Variants in CSMD2 observed in about 807,000 individuals in gnomAD.
CSMD2 encodes CUB and sushi domain-containing protein 2.
Under a neutral mutation model 398.5 loss-of-function variants are expected in CSMD2, and 130 were observed. The observed-to-expected ratio is 0.33, with a 90% confidence interval of 0.28 to 0.38. The LOEUF is 0.38. Among genes scored for constraint, CSMD2 ranks in the 10% least tolerant of loss-of-function variants. The pLI is 1.00. For missense variants in CSMD2, 3,829 were observed against 4,764.9 expected, an observed-to-expected ratio of 0.80 and a Z score of 5.78; for synonymous variants, 1,828 against 1,908.5, an observed-to-expected ratio of 0.96 and a Z score of 1.10.
chr1:33,874,192 G>A (rs1234538870), intron 5 of CSMD2, among the ~76,000 whole-genome samples: 1 of 152,178 alleles, frequency 6.6e-6, no homozygotes, highest in Non-Finnish European at 1.5e-5. Flanking sequence ...GCGTCACATG[G>A]AGTAGAATGA....
chr1:33,967,280 G>T (rs1016308700), intron 3 of CSMD2, among the ~76,000 whole-genome samples: 6 of 151,588 alleles, frequency 4.0e-5, no homozygotes, highest in East Asian at 1.9e-4. Flanking sequence ...AGCGGGGGGT[G>T]GGGGGTAGTC....
intron 4 of CSMD2, among the ~76,000 whole-genome samples, chr1:33,922,439 T>C (rs770847498): frequency 1.3e-5 from 2 of 152,126 alleles, no homozygotes; most frequent in African/African-American, 2.4e-5. Flanking sequence ...TTGGTCCACA[T>C]AGTCTCATTT....
rs555972366 is a variant in CSMD2 at position 33,809,339 on chromosome 1, G to T, written c.1446+1404C>A. 2.0e-5 allele frequency among the ~76,000 whole-genome samples: 3 copies of T among 152,012 alleles called. No homozygotes were observed. The East Asian group carries it at 5.8e-4, about 29-fold the overall frequency. On this transcript the variant is annotated intron_variant, in intron 10 of 70. Coordinates refer to ENST00000373381, the MANE Select transcript of CSMD2 (RefSeq NM_001281956.2). ...AATGATCAAGTTATGTTAATCTTAA[G>T]AATGCAAGGTTGGTTTGACATGAGA...
chr1:33,756,946 G>A (rs1441189427), intron 13 of CSMD2, among the ~76,000 whole-genome samples: 1 of 152,110 alleles, frequency 6.6e-6, no homozygotes, highest in African/African-American at 2.4e-5. Flanking sequence ...AGAAAATGTG[G>A]CACATATACA....
intron 29 of CSMD2, among the ~76,000 whole-genome samples, chr1:33,638,035 A>G (rs1340421063): frequency 6.6e-6 from 1 of 152,180 alleles, no homozygotes; most frequent in African/African-American, 2.4e-5. Context: ...GCACAGGAGC[A>G]TGTGAGAAGA....
intron 6 of CSMD2, among the ~76,000 whole-genome samples, chr1:33,831,760 G>A (rs1659594843): frequency 6.6e-6 from 1 of 151,904 alleles, no homozygotes. Flanking sequence ...CTGTATTCAG[G>A]AAACCCATCT....
intron 22 of CSMD2, among the ~76,000 whole-genome samples, chr1:33,707,068 C>T (rs778719836): frequency 1.3e-5 from 2 of 152,146 alleles, no homozygotes; most frequent in Non-Finnish European, 2.9e-5. Context: ...GAAGCCAGAA[C>T]CCTGACGGTG....
chr1:33,697,304 T>C (rs1262395918), intron 24 of CSMD2, among the ~76,000 whole-genome samples: 1 of 152,110 alleles, frequency 6.6e-6, no homozygotes, highest in Non-Finnish European at 1.5e-5. Context: ...TTCTCTGTAT[T>C]CCTAGTGCCT....
chr1:33,979,580 C>CTT lies in CSMD2; in HGVS notation c.518-43628_518-43627dup, dbSNP rs557780917. On this transcript the variant is annotated intron_variant, in intron 3 of 70. Coordinates refer to ENST00000373381, the MANE Select transcript of CSMD2 (RefSeq NM_001281956.2). The stretch of plus-strand genomic sequence containing the variant: ...AGAAACAGACTGGTAACAAGAGACC[C>CTT]TTTCTGGCTTTGTGCAGAGTTCTTA... Among the ~76,000 whole-genome samples, 8 of 152,290 alleles carry CTT rather than the reference C, an allele frequency of 5.3e-5. No individual in the cohort carries two copies. The South Asian group carries it at 1.7e-3, about 32-fold the overall frequency.
chr1:33,924,661 A>C (rs74858692), intron 4 of CSMD2, among the ~76,000 whole-genome samples: 1,722 of 152,252 alleles, frequency 0.011, 37 homozygotes, highest in African/African-American at 0.04. Context: ...CCACCAACAA[A>C]GTATAAGAGC....
chr1:33,695,983 T>C (rs1645408514), intron 24 of CSMD2, among the ~76,000 whole-genome samples: 1 of 152,238 alleles, frequency 6.6e-6, no homozygotes. Context: ...ATTAAAATCA[T>C]GTCTATTTCC....
intron 3 of CSMD2, among the ~76,000 whole-genome samples, chr1:33,997,132 C>T (rs1646751446): frequency 6.6e-6 from 1 of 152,184 alleles, no homozygotes; most frequent in Admixed American, 6.5e-5. Context: ...ACCTAGGCAC[C>T]AAAGGGGCTA....
intron 6 of CSMD2, among the ~76,000 whole-genome samples, chr1:33,830,669 T>C (rs1208337683): frequency 1.3e-5 from 2 of 152,182 alleles, no homozygotes; most frequent in African/African-American, 4.8e-5. Context: ...GAGAATGACT[T>C]TGACGAATTG....
At chr1:34,013,447 C>A (rs548805898) in intron 3 of CSMD2, among the ~76,000 whole-genome samples, 1 of 152,182 alleles carries the variant, frequency 6.6e-6, no homozygotes, top group African/African-American at 2.4e-5. Context: ...GACCCCAAAT[C>A]CCTCCACTCA....
intron 2 of CSMD2, among the ~76,000 whole-genome samples, chr1:34,062,747 A>G (rs1268326360): frequency 6.6e-6 from 1 of 152,150 alleles, no homozygotes; most frequent in South Asian, 2.1e-4. Context: ...CTGGTGTTTG[A>G]GACTCTGCTC....
chr1:33,646,702 C>T lies in CSMD2; in HGVS notation c.4720G>A (p.Ala1574Thr), dbSNP rs752544898. The change falls in exon 29 of 71, where the codon GCC becomes ACC. Residue 1574 changes from alanine (A) to threonine (T), a missense_variant. Ala to Thr is a moderately conservative substitution (Grantham distance 58). Around this residue, in one of 5 missense-constraint regions of CSMD2, gnomAD observed 2,001 missense variants for 2,567.1 expected, o/e 0.78. Transcript: ENST00000373381. ...IESSSNSLFL[A>T]FRSDASVSNA... Reference sequence around the variant, plus strand: ...CTCACAGATGCATCGCTGCGGAAGGCGAGGAAGAGGCTGTTGCTGCTGCTT... The same window carrying T: ...CTCACAGATGCATCGCTGCGGAAGGTGAGGAAGAGGCTGTTGCTGCTGCTT... 5.6e-6 allele frequency: 9 copies of T among 1,614,126 alleles called. No individual in the cohort carries two copies. Among genetic ancestry groups the T allele is most frequent in the South Asian group, 3.3e-5 (3 of 91,086 alleles).
chr1:34,129,672 T>C (rs1663128792), intron 1 of CSMD2, among the ~76,000 whole-genome samples: 2 of 151,906 alleles, frequency 1.3e-5, no homozygotes, highest in Non-Finnish European at 2.9e-5. Flanking sequence ...ATAAATAAAA[T>C]AAAATAAAAT....
chr1:33,672,824 C>A (rs1292319288), intron 25 of CSMD2, among the ~76,000 whole-genome samples: 1 of 152,240 alleles, frequency 6.6e-6, no homozygotes, highest in South Asian at 2.1e-4. Flanking sequence ...TGTTCTGCAG[C>A]CACCGCTGCT....
At chr1:33,667,763 G>A (rs375768985) in intron 25 of CSMD2, among the ~76,000 whole-genome samples, 5 of 152,192 alleles carry the variant, frequency 3.3e-5, no homozygotes, top group East Asian at 1.9e-4. Flanking sequence ...AGGAGAAGGC[G>A]GGGTTCTCTG....
Sources: gnomAD v4.1 joint callset for allele counts (sites outside exome capture counted in the v4.1 genomes callset) on GRCh38, gnomAD v4.1.1 for gene constraint, gnomAD v4.1.1 regional missense constraint, MANE v1.5 for transcripts, NCBI Gene and HGNC (gene_info 2026-07-23, HGNC 2026-07-21) for gene names.